MCTP2: variants seen among roughly 807,000 people sequenced by gnomAD.
The protein encoded by MCTP2 is multiple C2 and transmembrane domain containing 2.
Under a neutral mutation model 111.6 loss-of-function variants are expected in MCTP2, and 132 were observed. The observed-to-expected ratio is 1.18, with a 90% CI of 1.03 to 1.37. MCTP2 has a LOEUF of 1.37. Ranked by LOEUF, MCTP2 falls within the 40% of genes most tolerant of loss-of-function variation. The pLI is 0.00. For synonymous variants in MCTP2, 395 were observed against 387.7 expected (o/e 1.02, Z -0.22); for missense variants, 1,183 against 1,067.9 (o/e 1.11, Z -1.50).
intron 20 of MCTP2, among the ~76,000 whole-genome samples, chr15:94,462,197 C>CGT (rs1177862458): frequency 1.3e-5 from 2 of 152,154 alleles, no homozygotes; most frequent in East Asian, 3.9e-4. Context: ...TACCTGCACC[C>CGT]ACCTTCTGGG....
At chr15:94,386,235 A>T (rs904063446) in intron 14 of MCTP2, among the ~76,000 whole-genome samples, 2 of 152,154 alleles carry the variant, frequency 1.3e-5, no homozygotes, top group Non-Finnish European at 2.9e-5. Context: ...TACCAAACAT[A>T]CTCTTTGAGA....
intron 1 of MCTP2, among the ~76,000 whole-genome samples, chr15:94,245,151 T>A (rs1475603145): frequency 6.7e-6 from 1 of 148,162 alleles, no homozygotes; most frequent in Admixed American, 6.7e-5. Flanking sequence ...TATACACACA[T>A]GTTTGTATAT....
intron 1 of MCTP2, among the ~76,000 whole-genome samples, chr15:94,295,632 C>T (rs1021148624): frequency 6.6e-6 from 1 of 152,158 alleles, no homozygotes; most frequent in African/African-American, 2.4e-5. Context: ...CCACCTTCTC[C>T]ATTTTTATGT....
intron 19 of MCTP2, among the ~76,000 whole-genome samples, chr15:94,453,717 C>T (rs1277872334): frequency 6.6e-6 from 1 of 152,062 alleles, no homozygotes; most frequent in Non-Finnish European, 1.5e-5. Flanking sequence ...TAATCATGTA[C>T]AGATAGTACA....
chr15:94,246,942 C>T (rs2072056567), intron 1 of MCTP2, among the ~76,000 whole-genome samples: 1 of 152,184 alleles, frequency 6.6e-6, no homozygotes, highest in Non-Finnish European at 1.5e-5. Flanking sequence ...TGAGTGCTGA[C>T]TGCCATCTTT....
intron 15 of MCTP2, 27 bp downstream of exon 15, chr15:94,399,089 G>T (rs377629164): frequency 2.6e-6 from 3 of 1,162,148 alleles, no homozygotes; most frequent in Non-Finnish European, 3.9e-6. Context: ...CATACTTCCC[G>T]GCTTTCCCGT....
At chr15:94,304,053 A>G (rs1331712062) in intron 2 of MCTP2, among the ~76,000 whole-genome samples, 1 of 152,258 alleles carries the variant, frequency 6.6e-6, no homozygotes, top group Non-Finnish European at 1.5e-5. Flanking sequence ...TCCAGTGGTC[A>G]TCTAGCTCAG....
At chr15:94,270,765 T>G (rs1367630766) in intron 1 of MCTP2, among the ~76,000 whole-genome samples, 1 of 152,224 alleles carries the variant, frequency 6.6e-6, no homozygotes, top group Non-Finnish European at 1.5e-5. Flanking sequence ...GTTTTCCTGA[T>G]GCATGATAGA....
chr15:94,241,787 A>T (rs1004162492), intron 1 of MCTP2, among the ~76,000 whole-genome samples: 25 of 139,636 alleles, frequency 1.8e-4, no homozygotes, highest in African/African-American at 7.2e-4. Context: ...TACCCACTTT[A>T]AAAAAAAAAA....
At position 94,244,970 on chromosome 15, in the gene MCTP2, A is replaced by C. The variant is rs1405118484; in HGVS notation, c.-66+13306A>C. Among the ~76,000 whole-genome samples, 5 of 122,448 alleles carry C rather than the reference A, an allele frequency of 4.1e-5. No individual in the cohort carries two copies. In the East Asian group the frequency reaches 8.5e-4, roughly 21 times the overall value. The allele number at this position is 122,448 out of a possible 152,430, so 80.3% of individuals were successfully genotyped here. A position where few individuals can be genotyped will look rare whatever the true frequency, so the allele number is the denominator to read the frequency against. On this transcript the variant is annotated intron_variant, in intron 1 of 22. Transcript: ENST00000357742. Reference sequence around the variant, plus strand: ...TGCACCTGTTTATATACGTATATGTATACACATACATATGCACCTGTTTAT... The same window carrying C: ...TGCACCTGTTTATATACGTATATGTCTACACATACATATGCACCTGTTTAT...
intron 20 of MCTP2, 58 bp downstream of exon 20, chr15:94,458,304 T>C: frequency 2.0e-6 from 2 of 1,012,952 alleles, no homozygotes; most frequent in Non-Finnish European, 3.2e-6. Flanking sequence ...ACAAGGACAG[T>C]GGGGTAATGG....
At chr15:94,390,725 C>CTTTTTTTTTTTTTTTTTTTTT (rs777312969) in intron 14 of MCTP2, among the ~76,000 whole-genome samples, 1 of 112,984 alleles carries the variant, frequency 8.9e-6, no homozygotes, top group African/African-American at 3.4e-5. Context: ...CTTTTCTTTT[C>CTTTTTTTTTTTTTTTTTTTTT]TTTTTTTTTT....
chr15:94,244,167 T>C (rs1299038538), intron 1 of MCTP2, among the ~76,000 whole-genome samples: 1 of 147,556 alleles, frequency 6.8e-6, no homozygotes, highest in Non-Finnish European at 1.5e-5. Context: ...TATACACGTG[T>C]ATACACATAC....
intron 13 of MCTP2, among the ~76,000 whole-genome samples, chr15:94,384,335 T>A (rs1024163054): frequency 2.0e-5 from 3 of 152,166 alleles, no homozygotes; most frequent in African/African-American, 7.2e-5. Flanking sequence ...TAGGAGGCAT[T>A]TGTAAAGTAG....
At chr15:94,384,606 G>A (rs957964598) in intron 13 of MCTP2, among the ~76,000 whole-genome samples, 1 of 152,176 alleles carries the variant, frequency 6.6e-6, no homozygotes. Flanking sequence ...GCATTTAGGA[G>A]GCTGGATAGA....
chr15:94,318,430 C>T (rs977968811), intron 4 of MCTP2, among the ~76,000 whole-genome samples: 18 of 151,950 alleles, frequency 1.2e-4, no homozygotes, highest in Admixed American at 2.6e-4. Flanking sequence ...ATTACAGGCA[C>T]GCACCACCAT....
At chr15:94,266,122 AC>A (rs34230182) in intron 1 of MCTP2, among the ~76,000 whole-genome samples, 61,320 of 152,018 alleles carry the variant, frequency 0.4, 13,091 homozygotes, top group Admixed American at 0.49. Context: ...ATATGCACAC[AC>A]TGGATGATCC....
intron 1 of MCTP2, among the ~76,000 whole-genome samples, chr15:94,275,886 T>C (rs564973098): frequency 1.3e-5 from 2 of 151,326 alleles, no homozygotes; most frequent in South Asian, 2.1e-4. Flanking sequence ...CTCGCTCTGT[T>C]TCCCAGGCTG....
At chr15:94,408,199 A>T (rs1218928276) in intron 17 of MCTP2, among the ~76,000 whole-genome samples, 5 of 152,232 alleles carry the variant, frequency 3.3e-5, no homozygotes, top group Non-Finnish European at 4.4e-5. Flanking sequence ...TGTGCAGAGC[A>T]GACATCGCTG....
Sources: allele counts gnomAD v4.1 joint callset (sites outside exome capture counted in the v4.1 genomes callset), GRCh38; gene constraint gnomAD v4.1.1; transcripts MANE v1.5; gene names NCBI Gene and HGNC (gene_info 2026-07-23, HGNC 2026-07-21).